The following AUTS2 variants were observed in gnomAD, a reference collection of about 807,000 sequenced individuals.
AUTS2 encodes the protein activator of transcription and developmental regulator AUTS2.
In AUTS2, 17 loss-of-function variants were observed where a neutral mutation model predicts 112.4. That is an observed-to-expected ratio of 0.15 (90% CI 0.10 to 0.23). AUTS2 has a LOEUF of 0.23. Among genes scored for constraint, AUTS2 ranks in the 10% least tolerant of loss-of-function variants. The pLI is 1.00. For missense variants in AUTS2, 1,510 were observed against 1,701.6 expected (o/e 0.89, Z 1.98); for synonymous variants, 751 against 702.7 (o/e 1.07, Z -1.09).
chr7:69,779,319 A>G (rs1789041552), intron 1 of AUTS2, among the ~76,000 whole-genome samples: 3 of 152,276 alleles, frequency 2.0e-5, no homozygotes, highest in Non-Finnish European at 4.4e-5. Context: ...AATGAATTGG[A>G]AAGGTTATCT....
At chr7:69,828,350 G>A (rs1459546989) in intron 1 of AUTS2, among the ~76,000 whole-genome samples, 2 of 152,182 alleles carry the variant, frequency 1.3e-5, no homozygotes, top group African/African-American at 2.4e-5. Flanking sequence ...TGCATGTGGT[G>A]CTTTGAAATT....
intron 2 of AUTS2, among the ~76,000 whole-genome samples, chr7:70,043,912 C>T (rs1005131962): frequency 1.3e-5 from 2 of 151,900 alleles, no homozygotes; most frequent in African/African-American, 4.8e-5. Context: ...CCCGGCCTCC[C>T]CTTTGCATTT....
intron 2 of AUTS2, among the ~76,000 whole-genome samples, chr7:69,921,613 A>C (rs1027320019): frequency 1.5e-4 from 22 of 150,464 alleles, no homozygotes; most frequent in Non-Finnish European, 2.4e-4. Context: ...CTACTAAAAA[A>C]TACAAAAATT....
chr7:70,780,122 A>C (rs1161096417), intron 14 of AUTS2, among the ~76,000 whole-genome samples: 1 of 152,044 alleles, frequency 6.6e-6, no homozygotes, highest in Admixed American at 6.5e-5. Context: ...AGGGAAATTC[A>C]ACTAGAAGCT....
chr7:70,519,394 A>G (rs912032463), intron 5 of AUTS2, among the ~76,000 whole-genome samples: 1 of 152,222 alleles, frequency 6.6e-6, no homozygotes, highest in Non-Finnish European at 1.5e-5. Context: ...TCCTTTAAAA[A>G]TGTATTGGAT....
At chr7:69,636,385 C>T (rs1174151029) in intron 1 of AUTS2, among the ~76,000 whole-genome samples, 1 of 151,852 alleles carries the variant, frequency 6.6e-6, no homozygotes, top group Admixed American at 6.6e-5. Flanking sequence ...CAGGTGTGTG[C>T]CACCACACGT....
chr7:70,735,489 A>T (rs908258057), intron 6 of AUTS2, among the ~76,000 whole-genome samples: 2 of 152,164 alleles, frequency 1.3e-5, no homozygotes, highest in African/African-American at 4.8e-5. Flanking sequence ...GGTGATGCGG[A>T]TGTTCCGAAG....
Position 70,791,243 on chromosome 7 carries a change from C to A in AUTS2, c.*247C>A. ...CCTACTTTTTGTTTCTCGTATAAAA[C>A]TTTTTGATTTGAACCAAAACAGTGA... is the stretch of plus-strand genomic sequence containing the variant. On this transcript the variant is annotated 3_prime_UTR_variant, in exon 19 of 19. Coordinates refer to ENST00000342771, the MANE Select transcript of AUTS2 (RefSeq NM_015570.4). The A allele has an allele frequency of 1.2e-5, 3 of 253,048 alleles. No homozygotes were observed. Among genetic ancestry groups the A allele is most frequent in the Admixed American group, 7.3e-5 (1 of 13,732 alleles). The allele number at this position is 253,048 out of a possible 1,614,324, so 15.7% of individuals were successfully genotyped here. A position where few individuals can be genotyped will look rare whatever the true frequency, so the allele number is the denominator to read the frequency against.
At chr7:69,923,003 A>G (rs1187224398) in intron 2 of AUTS2, among the ~76,000 whole-genome samples, 1 of 152,232 alleles carries the variant, frequency 6.6e-6, no homozygotes, top group Non-Finnish European at 1.5e-5. Flanking sequence ...ACCAGTTGTT[A>G]CAATATCAGT....
intron 5 of AUTS2, among the ~76,000 whole-genome samples, chr7:70,479,914 G>T (rs984553448): frequency 1.6e-4 from 24 of 152,230 alleles, no homozygotes; most frequent in African/African-American, 5.8e-4. Context: ...GATAACGAGG[G>T]TGATATAAAT....
chr7:70,695,485 G>T (rs181772820), intron 5 of AUTS2, among the ~76,000 whole-genome samples: 1 of 152,214 alleles, frequency 6.6e-6, no homozygotes, highest in South Asian at 2.1e-4. Context: ...ATCTGGGCTC[G>T]GGTTCGGCAG....
At chr7:69,606,549 A>G (rs1471721056) in intron 1 of AUTS2, among the ~76,000 whole-genome samples, 1 of 152,216 alleles carries the variant, frequency 6.6e-6, no homozygotes, top group African/African-American at 2.4e-5. Context: ...TAACTTTGTA[A>G]AAGTGTTTCA....
chr7:70,624,488 A>C (rs1371650977), intron 5 of AUTS2, among the ~76,000 whole-genome samples: 1 of 152,186 alleles, frequency 6.6e-6, no homozygotes, highest in East Asian at 1.9e-4. Context: ...AAAGAGGCGA[A>C]GTATAAACAA....
chr7:70,752,657 G>A (rs1301124665), intron 6 of AUTS2, among the ~76,000 whole-genome samples: 1 of 152,138 alleles, frequency 6.6e-6, no homozygotes, highest in Non-Finnish European at 1.5e-5. Flanking sequence ...ACATGAGGCA[G>A]GGTAGTACAA....
chr7:69,967,952 T>G (rs1797697968), intron 2 of AUTS2, among the ~76,000 whole-genome samples: 1 of 152,200 alleles, frequency 6.6e-6, no homozygotes, highest in South Asian at 2.1e-4. Flanking sequence ...TAATGATCCT[T>G]GGATGAAGCA....
intron 5 of AUTS2, among the ~76,000 whole-genome samples, chr7:70,444,569 T>C (rs2130972957): frequency 1.3e-5 from 2 of 152,270 alleles, no homozygotes; most frequent in East Asian, 3.9e-4. Flanking sequence ...TGAATGGACT[T>C]CTGTTTTCTT....
In AUTS2 at chr7:70,235,010, C is replaced by G. The variant is rs139919831; in HGVS notation, c.660+100439C>G. Among the ~76,000 whole-genome samples, 4 of 152,216 alleles carry G rather than the reference C, an allele frequency of 2.6e-5. No individual in the cohort carries two copies. In the East Asian group the frequency reaches 5.8e-4, roughly 22 times the overall value. ...AATATTCACATAAAAGATTCACTAGCTACTGTTAATAATTGAAGGACTTTC... is the reference window on the plus strand; with the variant it reads ...AATATTCACATAAAAGATTCACTAGGTACTGTTAATAATTGAAGGACTTTC... On this transcript the variant is annotated intron_variant, in intron 4 of 18. Coordinates refer to ENST00000342771, the MANE Select transcript of AUTS2 (RefSeq NM_015570.4).
At chr7:69,934,252 C>G (rs1796327262) in intron 2 of AUTS2, among the ~76,000 whole-genome samples, 1 of 152,022 alleles carries the variant, frequency 6.6e-6, no homozygotes, top group Non-Finnish European at 1.5e-5. Context: ...GATGCTCTTC[C>G]CAAAGGAGTT....
intron 4 of AUTS2, among the ~76,000 whole-genome samples, chr7:70,368,931 GGGA>G (rs1459000282): frequency 1.3e-5 from 2 of 152,012 alleles, no homozygotes; most frequent in Non-Finnish European, 2.9e-5. Flanking sequence ...ATAATTAAAC[GGGA>G]ACATAGCAGC....
Sources: gnomAD v4.1 joint callset for allele counts (sites outside exome capture counted in the v4.1 genomes callset) on GRCh38, gnomAD v4.1.1 for gene constraint, MANE v1.5 for transcripts, NCBI Gene and HGNC (gene_info 2026-07-23, HGNC 2026-07-21) for gene names.